Variants in KLHL29 observed in about 807,000 individuals in gnomAD.
The protein encoded by KLHL29 is kelch-like protein 29.
A neutral mutation model predicts 80.4 loss-of-function variants in KLHL29; 21 were observed. The ratio of observed to expected loss-of-function variants is 0.26; its 90% CI spans 0.19 to 0.38. KLHL29 has a LOEUF of 0.38. Ranked by LOEUF, KLHL29 falls within the 10% of genes least tolerant of loss-of-function variation. The probability of loss-of-function intolerance (pLI) is 1.00; values close to 1 mark genes in which losing one functional copy is unlikely to be tolerated. For missense variants in KLHL29, 867 were observed against 1,223.9 expected, an observed-to-expected ratio of 0.71 and a Z score of 4.35; for synonymous variants, 511 against 526.8, an observed-to-expected ratio of 0.97 and a Z score of 0.41.
At position 23,684,660 on chromosome 2, in the gene KLHL29, TCTC is replaced by T. The variant is rs1335289862; in HGVS notation, c.1079+124_1079+126del. The T allele has an allele frequency of 2.2e-5, 16 of 715,778 alleles. No homozygotes were observed. Among genetic ancestry groups the T allele is most frequent in the Non-Finnish European group, 2.9e-5 (14 of 485,448 alleles). The allele number at this position is 715,778 out of a possible 1,614,324, so 44.3% of individuals were successfully genotyped here. ...CTCCCTGTCACAGAGCCAGTAGCCA[TCTC>T]TCCTCCTCCTCCTCCTCCTCCTCCC... On this transcript the variant is annotated intron_variant, in intron 6 of 13. Transcript: ENST00000486442. This position sits in a 1 kb window ranked among gnomAD's most constrained non-coding sequence, Gnocchi z 4.4.
intron 1 of KLHL29, among the ~76,000 whole-genome samples, chr2:23,399,331 T>C (rs2723109): frequency 0.067 from 10,136 of 152,286 alleles, 633 homozygotes; most frequent in African/African-American, 0.17. Flanking sequence ...CAAAATAGTG[T>C]GCATGCACTT....
intron 5 of KLHL29, among the ~76,000 whole-genome samples, chr2:23,645,281 T>A (rs1669888984): frequency 6.6e-6 from 1 of 152,088 alleles, no homozygotes; most frequent in African/African-American, 2.4e-5. Flanking sequence ...CATGTGAGAG[T>A]CGTGTTCCTG....
Position 23,637,624 on chromosome 2 carries a change from C to T in KLHL29, c.286-1515C>T, listed in dbSNP as rs141668896. On this transcript the variant is annotated intron_variant, in intron 3 of 13. Coordinates refer to ENST00000486442, the MANE Select transcript of KLHL29 (RefSeq NM_052920.2). ...TAATGGGATACGGCTCCCGTTCCTC[C>T]AGCAGGCCCTTACATAGGCGCTGTG... Among the ~76,000 whole-genome samples, 46 of 152,338 alleles carry T rather than the reference C, an allele frequency of 3.0e-4. No individual in the cohort carries two copies. The East Asian group carries it at 4.0e-3, about 13-fold the overall frequency.
intron 5 of KLHL29, among the ~76,000 whole-genome samples, chr2:23,673,381 G>A (rs999830616): frequency 3.7e-4 from 52 of 139,900 alleles, no homozygotes; most frequent in Non-Finnish European, 7.2e-4. Context: ...GCATGCACAC[G>A]TCCACACCAC....
intron 1 of KLHL29, among the ~76,000 whole-genome samples, chr2:23,409,003 G>C (rs775531823): frequency 3.3e-5 from 5 of 152,142 alleles, no homozygotes; most frequent in Non-Finnish European, 7.3e-5. Context: ...GGTGTGTGAG[G>C]GGCTAATCAT....
chr2:23,440,536 C>G (rs1663485274), intron 1 of KLHL29, among the ~76,000 whole-genome samples: 1 of 152,052 alleles, frequency 6.6e-6, no homozygotes, highest in East Asian at 1.9e-4. Context: ...TCAGAGTGAA[C>G]AGGCAACCTA....
intron 5 of KLHL29, among the ~76,000 whole-genome samples, chr2:23,677,411 T>TA (rs1299157682): frequency 6.6e-6 from 1 of 152,226 alleles, no homozygotes; most frequent in African/African-American, 2.4e-5. Context: ...GGCTCTTCAC[T>TA]AAAACCCTAA....
rs544340012 is a variant in KLHL29 at position 23,455,005 on chromosome 2, G to GT, written c.-153-20555_-153-20554insT. ...GTAGAAACAGGAACAGTGGGTTGGG[G>GT]GGGGGGCATTTATTTCTCTCGCATC... On this transcript the variant is annotated intron_variant, in intron 1 of 13. Coordinates refer to ENST00000486442, the MANE Select transcript of KLHL29 (RefSeq NM_052920.2). Among the ~76,000 whole-genome samples the GT allele has an allele frequency of 3.2e-4, 44 of 138,190 alleles. 1 individual carries two copies. Among genetic ancestry groups the GT allele is most frequent in the African/African-American group, 1.1e-3 (36 of 32,146 alleles). 90.7% of individuals were successfully genotyped at this position (138,190 alleles called of 152,430 possible).
chr2:23,543,786 C>T (rs988172425), intron 2 of KLHL29, among the ~76,000 whole-genome samples: 25 of 152,312 alleles, frequency 1.6e-4, no homozygotes, highest in African/African-American at 5.3e-4. Flanking sequence ...GGAGGAATTG[C>T]GTCGTGGATG....
chr2:23,519,091 A>G (rs527958485), intron 2 of KLHL29, among the ~76,000 whole-genome samples: 1 of 152,130 alleles, frequency 6.6e-6, no homozygotes, highest in South Asian at 2.1e-4. Context: ...CCTGGAATGC[A>G]CTTTCCAGTC....
intron 2 of KLHL29, among the ~76,000 whole-genome samples, chr2:23,541,991 G>T (rs1265611525): frequency 6.6e-6 from 1 of 152,168 alleles, no homozygotes; most frequent in East Asian, 1.9e-4. Flanking sequence ...GAAGTAATTA[G>T]CTCTCCTGGG....
intron 3 of KLHL29, among the ~76,000 whole-genome samples, chr2:23,634,469 T>A (rs1044788588): frequency 2.0e-5 from 3 of 152,124 alleles, no homozygotes; most frequent in Non-Finnish European, 4.4e-5. Flanking sequence ...GCCCAGCCCA[T>A]CTCTTCTGGA....
intron 1 of KLHL29, among the ~76,000 whole-genome samples, chr2:23,409,193 G>A (rs1227394507): frequency 6.6e-6 from 1 of 152,186 alleles, no homozygotes; most frequent in Admixed American, 6.5e-5. Flanking sequence ...GCAGCACAAA[G>A]ATAACCCCTT....
intron 3 of KLHL29, among the ~76,000 whole-genome samples, chr2:23,563,270 T>C (rs896313630): frequency 3.9e-5 from 6 of 152,380 alleles, no homozygotes; most frequent in Non-Finnish European, 7.3e-5. Context: ...GAGCTCGTCC[T>C]CCATCGTGCT....
At chr2:23,475,981 C>T (rs909563056) in intron 2 of KLHL29, among the ~76,000 whole-genome samples, 7 of 152,164 alleles carry the variant, frequency 4.6e-5, no homozygotes, top group Non-Finnish European at 8.8e-5. Flanking sequence ...TGGGTTCAAG[C>T]GATCCTTCCA....
At chr2:23,674,857 C>T (rs989923010) in intron 5 of KLHL29, among the ~76,000 whole-genome samples, 1 of 152,058 alleles carries the variant, frequency 6.6e-6, no homozygotes, top group Non-Finnish European at 1.5e-5. Context: ...ACGGTAGGGC[C>T]ACCCTGCCCC....
intron 3 of KLHL29, among the ~76,000 whole-genome samples, chr2:23,600,239 T>G (rs1668535687): frequency 6.6e-6 from 1 of 152,168 alleles, no homozygotes; most frequent in East Asian, 1.9e-4. Context: ...TTTCAACAAT[T>G]TTCTAAGCCT....
rs764920470 is a variant in KLHL29 at position 23,682,126 on chromosome 2, C to G, written c.941-2273C>G. Among the ~76,000 whole-genome samples the G allele has an allele frequency of 2.0e-5, 3 of 152,180 alleles. No individual in the cohort carries two copies. In the South Asian group the frequency reaches 6.2e-4, roughly 32 times the overall value. On this transcript the variant is annotated intron_variant, in intron 5 of 13. Coordinates refer to ENST00000486442, the MANE Select transcript of KLHL29 (RefSeq NM_052920.2). The surrounding 1 kb of genome is among the most constrained non-coding windows in gnomAD (Gnocchi z 4.1). ...TCTCCATGCCTCCCCCTCCCCACTT[C>G]CTTCCTGCACTGAGCCCCACGGGGT...
At chr2:23,493,787 C>T (rs546351182) in intron 2 of KLHL29, among the ~76,000 whole-genome samples, 235 of 152,170 alleles carry the variant, frequency 1.5e-3, no homozygotes, top group African/African-American at 5.4e-3. Context: ...GAGACTTTTT[C>T]TTTTAGTGAG....
Sources: gnomAD v4.1 joint callset for allele counts (sites outside exome capture counted in the v4.1 genomes callset) on GRCh38, gnomAD v4.1.1 for gene constraint, Gnocchi (gnomAD v3.1) non-coding constraint, MANE v1.5 for transcripts, NCBI Gene and HGNC (gene_info 2026-07-23, HGNC 2026-07-21) for gene names.